Variants in INSC observed in about 807,000 individuals in gnomAD.
INSC encodes INSC spindle orientation adaptor protein, also known as protein inscuteable homolog.
Under a neutral mutation model 58.6 loss-of-function variants are expected in INSC, and 67 were observed. The observed-to-expected ratio is 1.14, with a 90% CI of 0.94 to 1.40. INSC has a LOEUF of 1.40. INSC is among the 40% of genes most tolerant of loss of function. INSC has a pLI of 0.00. For missense variants in INSC, 714 were observed against 692.0 expected (o/e 1.03, Z -0.36); for synonymous variants, 262 against 276.1 (o/e 0.95, Z 0.51).
chr11:15,178,180 T>C lies in INSC; in HGVS notation c.456-144T>C, dbSNP rs1156472682. 3 of 1,095,266 alleles carry C rather than the reference T, an allele frequency of 2.7e-6. No homozygotes were observed. In the African/African-American group the frequency reaches 4.7e-5, roughly 17 times the overall value. The allele number at this position is 1,095,266 out of a possible 1,614,324, so 67.8% of individuals were successfully genotyped here. ...AAGAGACCAGTGGGCAAGCCAGCTG[T>C]GGAATATTCCATCTCTGACTCCCAG... On this transcript the variant is annotated intron_variant, in intron 4 of 12. Coordinates refer to ENST00000379556, the MANE Select transcript of INSC (RefSeq NM_001042536.3).
chr11:15,162,706 T>C (rs1849061251), intron 2 of INSC, among the ~76,000 whole-genome samples: 1 of 152,220 alleles, frequency 6.6e-6, no homozygotes, highest in Non-Finnish European at 1.5e-5. Context: ...TTAGCCCTAA[T>C]TAAATATTGT....
At chr11:15,153,080 G>A (rs1007879511) in intron 2 of INSC, among the ~76,000 whole-genome samples, 6 of 152,156 alleles carry the variant, frequency 3.9e-5, no homozygotes, top group Non-Finnish European at 8.8e-5. Context: ...TGGAGTGCGG[G>A]CCATCTGCCT....
chr11:15,191,269 G>T (rs1301658028), intron 6 of INSC, among the ~76,000 whole-genome samples: 1 of 152,254 alleles, frequency 6.6e-6, no homozygotes, highest in East Asian at 1.9e-4. Context: ...GTGAGCCACC[G>T]TGCCCGGCCG....
At chr11:15,249,158 T>C (rs980556904), downstream of INSC, among the ~76,000 whole-genome samples, 6 of 152,294 alleles carry the variant, frequency 3.9e-5, no homozygotes, top group Admixed American at 2.0e-4. Context: ...GAGCCAGTTA[T>C]GAAATCCTCT....
chr11:15,160,807 A>G (rs1046793508), intron 2 of INSC, among the ~76,000 whole-genome samples: 36 of 152,168 alleles, frequency 2.4e-4, no homozygotes, highest in African/African-American at 7.5e-4. Context: ...AACCGAAATA[A>G]CAACAAGTTC....
intron 2 of INSC, among the ~76,000 whole-genome samples, chr11:15,151,921 C>G (rs1157048592): frequency 6.6e-6 from 1 of 152,180 alleles, no homozygotes; most frequent in African/African-American, 2.4e-5. Context: ...CTCTCCGAAT[C>G]CCTGCCAGTG....
intron 9 of INSC, among the ~76,000 whole-genome samples, chr11:15,228,085 T>C (rs572341714): frequency 1.8e-4 from 27 of 152,288 alleles, no homozygotes; most frequent in African/African-American, 6.5e-4. Context: ...AATAAATAAA[T>C]ATAAACTCTT....
intron 2 of INSC, among the ~76,000 whole-genome samples, chr11:15,165,575 A>G (rs1243649999): frequency 6.6e-6 from 1 of 152,162 alleles, no homozygotes; most frequent in Non-Finnish European, 1.5e-5. Context: ...CTCTGGTGGG[A>G]GCAGTGGTAA....
chr11:15,253,051 G>C, the INSC span, among the ~76,000 whole-genome samples: 1 of 152,136 alleles, frequency 6.6e-6, no homozygotes, highest in East Asian at 1.9e-4. Context: ...CACCAGCTGT[G>C]GTAGAACAAA....
intron 7 of INSC, among the ~76,000 whole-genome samples, chr11:15,206,550 A>G (rs1030635940): frequency 1.3e-5 from 2 of 152,088 alleles, no homozygotes; most frequent in African/African-American, 4.8e-5. Context: ...CCAAGGAGGG[A>G]GTAAGGGCCC....
chr11:15,177,019 C>T, intron 3 of INSC, 92 bp from the exon 4 acceptor site: 1 of 976,094 alleles, frequency 1.0e-6, no homozygotes, highest in Middle Eastern at 2.2e-4. Context: ...TTAATTGATT[C>T]TTCATGTTTA....
intron 5 of INSC, among the ~76,000 whole-genome samples, chr11:15,183,034 T>C (rs867735115): frequency 1.6e-4 from 24 of 152,268 alleles, no homozygotes; most frequent in African/African-American, 5.8e-4. Flanking sequence ...TACATATTTA[T>C]GTTGAGTATG....
intron 12 of INSC, among the ~76,000 whole-genome samples, chr11:15,242,945 C>CTCTT (rs1464881090): frequency 6.6e-6 from 1 of 152,224 alleles, no homozygotes; most frequent in Admixed American, 6.5e-5. Flanking sequence ...CCAAGCCATG[C>CTCTT]TCTTTCTCTC....
At chr11:15,188,063 C>T (rs1020734221) in intron 5 of INSC, 5 of 402,830 alleles carry the variant, frequency 1.2e-5, no homozygotes, top group African/African-American at 4.4e-5. Context: ...AAGCCAAAGT[C>T]CCCTGTTTGA....
chr11:15,172,573 CAT>C (rs1433133369), intron 2 of INSC, among the ~76,000 whole-genome samples: 8 of 152,178 alleles, frequency 5.3e-5, no homozygotes, highest in African/African-American at 1.9e-4. Context: ...AGGGGGAACT[CAT>C]GAGCTCTGGC....
At chr11:15,112,818 C>T (rs1379970840), upstream of INSC, among the ~76,000 whole-genome samples, 1 of 152,136 alleles carries the variant, frequency 6.6e-6, no homozygotes, top group Non-Finnish European at 1.5e-5. Context: ...CTATTTCTAG[C>T]ATATAATAAA....
At chr11:15,129,399 T>C (rs755198567) in intron 1 of INSC, among the ~76,000 whole-genome samples, 1 of 152,258 alleles carries the variant, frequency 6.6e-6, no homozygotes, top group Non-Finnish European at 1.5e-5. Flanking sequence ...CATTTCAGAT[T>C]CAACTTGTCA....
At chr11:15,163,731 C>G (rs986479861) in intron 2 of INSC, among the ~76,000 whole-genome samples, 1 of 152,044 alleles carries the variant, frequency 6.6e-6, no homozygotes, top group African/African-American at 2.4e-5. Flanking sequence ...GTAGCTGGGA[C>G]TACAGGTACC....
chr11:15,178,273 G>C (rs763118982), intron 4 of INSC, 51 bp from the exon 5 acceptor site: 1 of 1,608,372 alleles, frequency 6.2e-7, no homozygotes, highest in Non-Finnish European at 8.5e-7. Context: ...ACATTTCTGG[G>C]CTGACCACAT....
Sources: gnomAD v4.1 joint callset for allele counts (sites outside exome capture counted in the v4.1 genomes callset) on GRCh38, gnomAD v4.1.1 for gene constraint, MANE v1.5 for transcripts, NCBI Gene and HGNC (gene_info 2026-07-23, HGNC 2026-07-21) for gene names.